IGF1R: variants seen among roughly 807,000 people sequenced by gnomAD.
IGF1R encodes the protein insulin-like growth factor 1 receptor.
IGF1R carries 44 observed loss-of-function variants against 144.6 expected under a neutral mutation model. That is an observed-to-expected ratio of 0.30 (90% confidence interval 0.24 to 0.39). IGF1R has a LOEUF of 0.39. Among genes scored for constraint, IGF1R ranks in the 10% least tolerant of loss-of-function variants. The pLI is 1.00. For missense variants in IGF1R, 1,355 were observed against 1,833.7 expected, an observed-to-expected ratio of 0.74 and a Z score of 4.77; for synonymous variants, 795 against 722.8, an observed-to-expected ratio of 1.10 and a Z score of -1.60.
At chr15:98,744,939 G>A (rs12901314) in intron 2 of IGF1R, among the ~76,000 whole-genome samples, 2 of 152,122 alleles carry the variant, frequency 1.3e-5, no homozygotes, top group African/African-American at 4.8e-5. Context: ...CTAGTGCTGG[G>A]CTCCTTTCCT....
intron 19 of IGF1R, among the ~76,000 whole-genome samples, chr15:98,943,339 C>T (rs572276262): frequency 6.6e-6 from 1 of 152,300 alleles, no homozygotes; most frequent in South Asian, 2.1e-4. Context: ...GTGCCAGAAG[C>T]CGTCACCTCT....
intron 11 of IGF1R, 124 bp downstream of exon 11, chr15:98,922,555 A>G: frequency 1.7e-6 from 2 of 1,170,974 alleles, no homozygotes; most frequent in South Asian, 1.3e-5. Flanking sequence ...TGCCTGCTAA[A>G]TAACGTGCAG....
chr15:98,919,424 A>C (rs990532874), intron 10 of IGF1R, among the ~76,000 whole-genome samples: 3 of 152,146 alleles, frequency 2.0e-5, no homozygotes, highest in African/African-American at 7.2e-5. Context: ...GTTGTGAGTC[A>C]AGGTTTTGGA....
intron 5 of IGF1R, among the ~76,000 whole-genome samples, chr15:98,907,683 C>T (rs2014798760): frequency 6.6e-6 from 1 of 152,238 alleles, no homozygotes; most frequent in Non-Finnish European, 1.5e-5. Flanking sequence ...TAGACCTAAG[C>T]CGTAGCTGTC....
At chr15:98,917,566 C>T (rs1001270873) in intron 10 of IGF1R, among the ~76,000 whole-genome samples, 1 of 152,100 alleles carries the variant, frequency 6.6e-6, no homozygotes, top group African/African-American at 2.4e-5. Context: ...TCATAGTAGC[C>T]AAATCTGGAA....
At chr15:98,893,504 C>T (rs2014030395) in intron 3 of IGF1R, 1 of 152,250 alleles carries the variant, frequency 6.6e-6, no homozygotes, top group Non-Finnish European at 1.5e-5. Context: ...AGGGCTTTTA[C>T]TGGTGCACAC....
chr15:98,822,801 A>G (rs1404284019), intron 2 of IGF1R, among the ~76,000 whole-genome samples: 2 of 152,208 alleles, frequency 1.3e-5, no homozygotes, highest in African/African-American at 4.8e-5. Context: ...CACATTGCTA[A>G]GATGTAAAAA....
rs563338378 is a variant in IGF1R at position 98,666,724 on chromosome 15, G to T, written c.94+17049G>T. Among the ~76,000 whole-genome samples the T allele has an allele frequency of 1.1e-3, 160 of 152,160 alleles. 1 individual carries two copies. Among genetic ancestry groups the T allele is most frequent in the African/African-American group, 3.8e-3 (157 of 41,502 alleles). Reference sequence around the variant, plus strand: ...GACGGAAAGTAGAATGGTGAGGGGCGGTGAATAGAGGCTGGGGGGAGGGAG... The same window carrying T: ...GACGGAAAGTAGAATGGTGAGGGGCTGTGAATAGAGGCTGGGGGGAGGGAG... On this transcript the variant is annotated intron_variant, in intron 1 of 20. Transcript: ENST00000650285.
chr15:98,922,523 C>A (rs2015533013), intron 11 of IGF1R, 92 bp downstream of exon 11: 1 of 1,476,438 alleles, frequency 6.8e-7, no homozygotes, highest in Non-Finnish European at 9.3e-7. Context: ...ACACCCAGGG[C>A]CATGACCCTT....
At chr15:98,716,316 CTCTG>C (rs1010838433) in intron 2 of IGF1R, among the ~76,000 whole-genome samples, 4 of 152,048 alleles carry the variant, frequency 2.6e-5, no homozygotes, top group Admixed American at 1.3e-4. Flanking sequence ...TGGTCTCTCT[CTCTG>C]TCTCTCTCTC....
intron 11 of IGF1R, among the ~76,000 whole-genome samples, chr15:98,923,284 G>T (rs962425927): frequency 6.6e-6 from 1 of 152,270 alleles, no homozygotes; most frequent in Non-Finnish European, 1.5e-5. Context: ...GTTGGTGCCG[G>T]CAGGGAGGGC....
At chr15:98,723,435 C>G (rs535104229) in intron 2 of IGF1R, among the ~76,000 whole-genome samples, 1 of 152,010 alleles carries the variant, frequency 6.6e-6, no homozygotes, top group African/African-American at 2.4e-5. Context: ...GAAGATCTGC[C>G]GAAACAAATA....
At chr15:98,865,633 A>T (rs1021155317) in intron 2 of IGF1R, among the ~76,000 whole-genome samples, 2 of 152,112 alleles carry the variant, frequency 1.3e-5, no homozygotes, top group Non-Finnish European at 2.9e-5. Context: ...TTCTCTTTTA[A>T]TTCTTTAATT....
At chr15:98,885,063 C>G (rs931547254) in intron 2 of IGF1R, among the ~76,000 whole-genome samples, 1 of 152,140 alleles carries the variant, frequency 6.6e-6, no homozygotes, top group African/African-American at 2.4e-5. Flanking sequence ...CACCTGCTAG[C>G]TCCTACTCAC....
At chr15:98,851,524 C>A (rs536278254) in intron 2 of IGF1R, among the ~76,000 whole-genome samples, 5 of 152,306 alleles carry the variant, frequency 3.3e-5, no homozygotes, top group Non-Finnish European at 7.4e-5. Context: ...CCATCAGTAC[C>A]CCGGGGCCTT....
intron 2 of IGF1R, among the ~76,000 whole-genome samples, chr15:98,876,439 T>G (rs192244043): frequency 6.6e-6 from 1 of 152,328 alleles, no homozygotes; most frequent in African/African-American, 2.4e-5. Context: ...TATGATTGGA[T>G]TTGTACTGCC....
intron 1 of IGF1R, among the ~76,000 whole-genome samples, chr15:98,690,497 C>G (rs886328797): frequency 6.6e-6 from 1 of 152,216 alleles, no homozygotes; most frequent in Non-Finnish European, 1.5e-5. Context: ...AGCAAAAATG[C>G]TATTCTTAGC....
chr15:98,900,063 G>A (rs3743260), intron 5 of IGF1R, among the ~76,000 whole-genome samples: 6,136 of 152,294 alleles, frequency 0.04, 208 homozygotes, highest in East Asian at 0.14. Flanking sequence ...GTGAGAGCAC[G>A]GGAGGAGCAT....
intron 1 of IGF1R, among the ~76,000 whole-genome samples, chr15:98,680,289 CAG>C (rs1346406608): frequency 6.7e-6 from 1 of 149,968 alleles, no homozygotes; most frequent in Admixed American, 6.6e-5. Flanking sequence ...TTTTTTGAGA[CAG>C]AGTCTCGCTC....
Sources: gnomAD v4.1 joint callset for allele counts (sites outside exome capture counted in the v4.1 genomes callset) on GRCh38, gnomAD v4.1.1 for gene constraint, MANE v1.5 for transcripts, NCBI Gene and HGNC (gene_info 2026-07-23, HGNC 2026-07-21) for gene names.